The following ESRRG variants were observed in gnomAD, a reference collection of about 807,000 sequenced individuals.
ESRRG encodes estrogen-related receptor gamma.
In ESRRG, 13 loss-of-function variants were observed where a neutral mutation model predicts 44.0. That is an observed-to-expected ratio of 0.30 (90% CI 0.19 to 0.47). The LOEUF is 0.47. Among genes scored for constraint, ESRRG ranks in the 20% least tolerant of loss-of-function variants. The pLI is 1.00. For missense variants in ESRRG, 395 were observed against 580.6 expected, an observed-to-expected ratio of 0.68 and a Z score of 3.29; for synonymous variants, 215 against 214.6, an observed-to-expected ratio of 1.00 and a Z score of -0.02.
chr1:216,532,493 T>C (rs1435860731), intron 5 of ESRRG, among the ~76,000 whole-genome samples: 1 of 152,206 alleles, frequency 6.6e-6, no homozygotes, highest in African/African-American at 2.4e-5. Context: ...TGAGAGCTGC[T>C]CTGTCATTTT....
At chr1:216,796,682 C>A (rs904564316) in intron 2 of ESRRG, among the ~76,000 whole-genome samples, 7 of 152,042 alleles carry the variant, frequency 4.6e-5, no homozygotes, top group Non-Finnish European at 5.9e-5. Flanking sequence ...TCCTGAGGAA[C>A]CTTATCTTCC....
At chr1:217,020,572 G>T (rs1434257669) in intron 1 of ESRRG, among the ~76,000 whole-genome samples, 4 of 152,104 alleles carry the variant, frequency 2.6e-5, no homozygotes, top group Non-Finnish European at 5.9e-5. Context: ...CACACAAAAT[G>T]CTTCAAAGAT....
chr1:216,783,909 A>G (rs1314661252), intron 2 of ESRRG, among the ~76,000 whole-genome samples: 4 of 152,066 alleles, frequency 2.6e-5, no homozygotes, highest in Non-Finnish European at 5.9e-5. Flanking sequence ...TAAAAAGAAT[A>G]CTGTTGTGGT....
intron 1 of ESRRG, among the ~76,000 whole-genome samples, chr1:217,121,559 G>A (rs1379616869): frequency 1.3e-5 from 2 of 152,126 alleles, no homozygotes; most frequent in African/African-American, 2.4e-5. Flanking sequence ...AGTGAAGCGG[G>A]CAGTTTCAAT....
intron 2 of ESRRG, among the ~76,000 whole-genome samples, chr1:216,922,867 C>A (rs375250778): frequency 2.0e-5 from 3 of 152,172 alleles, no homozygotes; most frequent in African/African-American, 7.2e-5. Flanking sequence ...GTGCGCCATA[C>A]GGGTATTTGA....
chr1:216,539,939 T>G (rs972442811), intron 5 of ESRRG, among the ~76,000 whole-genome samples: 2 of 152,020 alleles, frequency 1.3e-5, no homozygotes, highest in Non-Finnish European at 2.9e-5. Context: ...GTCAAAAAGT[T>G]ACTTTAAATT....
At chr1:217,005,403 C>A (rs2077599073) in intron 1 of ESRRG, among the ~76,000 whole-genome samples, 1 of 152,018 alleles carries the variant, frequency 6.6e-6, no homozygotes, top group Non-Finnish European at 1.5e-5. Context: ...GGAGGTTTGC[C>A]CATGACAACT....
chr1:217,005,632 A>G (rs1037751442), intron 1 of ESRRG, among the ~76,000 whole-genome samples: 2 of 152,016 alleles, frequency 1.3e-5, no homozygotes, highest in African/African-American at 4.8e-5. Context: ...TTTAACTCCA[A>G]AGATAACCTC....
At position 216,732,591 on chromosome 1, in the gene ESRRG, G is replaced by A. The variant is rs1458570237; in HGVS notation, c.-13-55100C>T. Among the ~76,000 whole-genome samples, 5 of 151,944 alleles carry A rather than the reference G, an allele frequency of 3.3e-5. No individual in the cohort carries two copies. The East Asian group carries it at 7.8e-4, about 24-fold the overall frequency. On this transcript the variant is annotated intron_variant, in intron 2 of 7. Coordinates refer to the ESRRG transcript ENST00000359162. ...GGGATTTCACCATGTTGGACAGGCT[G>A]GTCTCGAATGCCTGACCTCAGCTGA...
chr1:216,679,132 C>T (rs372815877), intron 1 of ESRRG, among the ~76,000 whole-genome samples: 70 of 152,276 alleles, frequency 4.6e-4, no homozygotes, highest in Middle Eastern at 3.4e-3. Context: ...AATAGGAAGG[C>T]GAAAGCCACG....
intron 5 of ESRRG, among the ~76,000 whole-genome samples, chr1:216,537,384 C>A (rs945665580): frequency 7.2e-5 from 11 of 151,966 alleles, no homozygotes; most frequent in Admixed American, 6.6e-4. Flanking sequence ...TATAAGCCAC[C>A]CATTCTATGG....
chr1:217,080,671 GTTTTTT>G (rs34598045), intron 1 of ESRRG, among the ~76,000 whole-genome samples: 114 of 65,252 alleles, frequency 1.7e-3, no homozygotes, highest in African/African-American at 5.8e-3. Flanking sequence ...TGTTTTTTTG[GTTTTTT>G]TTTTTTTTTT....
chr1:217,097,671 T>C (rs1030370044), intron 1 of ESRRG, among the ~76,000 whole-genome samples: 3 of 152,124 alleles, frequency 2.0e-5, no homozygotes, highest in African/African-American at 7.2e-5. Context: ...TTAAATGAGA[T>C]AATGCATGTG....
intron 3 of ESRRG, among the ~76,000 whole-genome samples, chr1:216,578,947 C>A (rs116069545): frequency 6.6e-6 from 1 of 152,052 alleles, no homozygotes; most frequent in African/African-American, 2.4e-5. Context: ...ATGGGAGAAA[C>A]TGAGGTAAGA....
chr1:216,809,416 T>A (rs1215638463), intron 2 of ESRRG, among the ~76,000 whole-genome samples: 1 of 151,242 alleles, frequency 6.6e-6, no homozygotes, highest in African/African-American at 2.4e-5. Context: ...AATAGCTAGC[T>A]CCATCCTATG....
At chr1:217,015,709 G>T (rs1361507893) in intron 1 of ESRRG, among the ~76,000 whole-genome samples, 2 of 150,036 alleles carry the variant, frequency 1.3e-5, no homozygotes, top group Non-Finnish European at 3.0e-5. Context: ...TGTTTGTGTG[G>T]GGGGTGAGAG....
rs1275559894 is a variant in ESRRG, at chr1:216,667,890, G to A, written c.472+9186C>T. Among the ~76,000 whole-genome samples, 3 of 151,988 alleles carry A rather than the reference G, an allele frequency of 2.0e-5. No homozygotes were observed. The East Asian group carries it at 5.8e-4, about 30-fold the overall frequency. ...GCAGGTGGATCAACTGAGGTCAGGA[G>A]TTTGAGACCAGCCTGACTAACATGG... On this transcript the variant is annotated intron_variant, in intron 2 of 6. Transcript: ENST00000408911.
Position 216,692,642 on chromosome 1 carries a change from C to CT in ESRRG, c.57-15152dup, listed in dbSNP as rs1170936829. 6.6e-5 allele frequency among the ~76,000 whole-genome samples: 10 copies of CT among 152,250 alleles called. No individual in the cohort carries two copies. The East Asian group carries it at 1.9e-3, about 29-fold the overall frequency. ...GTCTACAGTAGGATACAGTAATGTC[C>CT]TAGGCCTTCACATTCACTCACCATT... On this transcript the variant is annotated intron_variant, in intron 1 of 6. Transcript: ENST00000408911.
chr1:216,505,964 T>C lies in ESRRG; in HGVS notation c.*975A>G, dbSNP rs2041118478. 6.5e-6 allele frequency: 1 copy of C among 152,678 alleles called. No homozygotes were observed. The highest frequency in any genetic ancestry group is 6.5e-5 in the Admixed American group (1 of 15,286). 9.5% of individuals were successfully genotyped at this position (152,678 alleles called of 1,614,324 possible). A position where few individuals can be genotyped will look rare whatever the true frequency, so the allele number is the denominator to read the frequency against. ...GGATTCATTTGTCCTTCATTATTGT[T>C]CGTAATTGTTCAAAGCCAGCACAAA... is the stretch of plus-strand genomic sequence containing the variant. On this transcript the variant is annotated 3_prime_UTR_variant, in exon 7 of 7. Transcript: ENST00000408911.
Sources: gnomAD v4.1 joint callset for allele counts (sites outside exome capture counted in the v4.1 genomes callset) on GRCh38, gnomAD v4.1.1 for gene constraint, MANE v1.5 for transcripts, NCBI Gene and HGNC (gene_info 2026-07-23, HGNC 2026-07-21) for gene names.